The following ASH1L variants were observed in gnomAD, a reference collection of about 807,000 sequenced individuals.
ASH1L encodes ASH1 like histone lysine methyltransferase, also known as histone-lysine N-methyltransferase ASH1L.
Under a neutral mutation model 269.0 loss-of-function variants are expected in ASH1L, and 23 were observed. That is an observed-to-expected ratio of 0.09 (90% CI 0.06 to 0.12). ASH1L has a LOEUF of 0.12. Ranked by LOEUF, ASH1L falls within the 10% of genes least tolerant of loss-of-function variation. The probability of loss-of-function intolerance (pLI) is 1.00; values close to 1 mark genes in which losing one functional copy is unlikely to be tolerated. For synonymous variants in ASH1L, 1,187 were observed against 1,253.5 expected (o/e 0.95, Z 1.12); for missense variants, 2,912 against 3,567.8 (o/e 0.82, Z 4.68).
Position 155,478,386 on chromosome 1 carries a change from G to A in ASH1L, c.4484C>T (p.Ser1495Phe), listed in dbSNP as rs1665720555. 6 of 1,613,954 alleles carry A rather than the reference G, an allele frequency of 3.7e-6. No individual in the cohort carries two copies. The African/African-American group carries it at 6.7e-5, about 18-fold the overall frequency. Reference sequence around the variant, plus strand: ...GTCCATAGAAACCTGGGGTTGTTCAGAAGAACGGTGTTCTCTGTGTTTGTG... The same window carrying A: ...GTCCATAGAAACCTGGGGTTGTTCAAAAGAACGGTGTTCTCTGTGTTTGTG... ...HRHKHREHRS[S>F]EQPQVSMDTG... The change falls in exon 3 of 28, where the codon TCT becomes TTT. Residue 1495 changes from serine to phenylalanine, a missense_variant. This residue lies in a region of ASH1L where 789 missense variants were observed against 897.6 expected (regional missense o/e 0.88). Coordinates refer to ENST00000392403, the MANE Select transcript of ASH1L (RefSeq NM_018489.3). The surrounding 1 kb of genome is among the most constrained non-coding windows in gnomAD (Gnocchi z 4.6).
At chr1:155,354,406 G>T in intron 16 of ASH1L, 67 bp downstream of exon 16, 1 of 1,447,928 alleles carries the variant, frequency 6.9e-7, no homozygotes, top group Non-Finnish European at 9.4e-7. Flanking sequence ...TCATGCCATT[G>T]CACTCCAGTC....
intron 2 of ASH1L, among the ~76,000 whole-genome samples, chr1:155,514,529 G>T (rs1668376329): frequency 6.6e-6 from 1 of 151,410 alleles, no homozygotes; most frequent in African/African-American, 2.4e-5. Context: ...TTTTGCTAAT[G>T]ATTACTTGCT....
At chr1:155,497,340 G>C (rs1031987877) in intron 2 of ASH1L, among the ~76,000 whole-genome samples, 1 of 152,114 alleles carries the variant, frequency 6.6e-6, no homozygotes, top group African/African-American at 2.4e-5. Flanking sequence ...AACAACAAAA[G>C]TTTGAACTGT....
chr1:155,481,382 A>C lies in ASH1L; in HGVS notation c.1488T>G (p.Asn496Lys). Residue 496 changes from asparagine (N) to lysine (K), a missense_variant, in exon 3 of 28, where the codon AAT becomes AAG. This residue lies in a region of ASH1L where 715 missense variants were observed against 721.0 expected (regional missense o/e 0.99). Coordinates refer to ENST00000392403, the MANE Select transcript of ASH1L (RefSeq NM_018489.3). ...EIINLEKEMFNEGTCIQQDSF... is the reference protein window; with the variant it reads ...EIINLEKEMFKEGTCIQQDSF... ...TGTCTTGCTGAATGCATGTTCCTTCATTAAACATTTCTTTCTCCAAATTAA... is the reference window on the plus strand; with the variant it reads ...TGTCTTGCTGAATGCATGTTCCTTCCTTAAACATTTCTTTCTCCAAATTAA... 1 of 1,614,106 alleles carries C rather than the reference A, an allele frequency of 6.2e-7. No homozygotes were observed. Among genetic ancestry groups the C allele is most frequent in the Non-Finnish European group, 8.5e-7 (1 of 1,179,990 alleles).
At chr1:155,403,140 G>A (rs910127548) in intron 6 of ASH1L, among the ~76,000 whole-genome samples, 9 of 151,690 alleles carry the variant, frequency 5.9e-5, no homozygotes, top group South Asian at 2.1e-4. Flanking sequence ...AGCCAAGATC[G>A]TGCCATTGCA....
intron 3 of ASH1L, among the ~76,000 whole-genome samples, chr1:155,475,523 C>T (rs1413172484): frequency 1.3e-4 from 20 of 152,138 alleles, no homozygotes; most frequent in Admixed American, 1.2e-3. Context: ...TTCTGCCAGC[C>T]CTTTAATCTG....
chr1:155,436,003 A>G (rs1020227170), intron 5 of ASH1L, among the ~76,000 whole-genome samples: 1 of 152,168 alleles, frequency 6.6e-6, no homozygotes, highest in African/African-American at 2.4e-5. Context: ...GTGAGTGGAG[A>G]TCGTGCCATT....
intron 2 of ASH1L, among the ~76,000 whole-genome samples, chr1:155,495,546 C>G (rs193152062): frequency 1.2e-3 from 176 of 152,230 alleles, no homozygotes; most frequent in African/African-American, 3.8e-3. Flanking sequence ...GGGTACTTAT[C>G]ATGAATGGAG....
chr1:155,352,297 CAAAAAAAAAAA>C (rs1281473342), intron 17 of ASH1L, among the ~76,000 whole-genome samples: 7 of 28,118 alleles, frequency 2.5e-4, no homozygotes, highest in African/African-American at 7.1e-4. Context: ...ACCTCCATCT[CAAAAAAAAAAA>C]AAAAAAAAAA....
intron 4 of ASH1L, among the ~76,000 whole-genome samples, chr1:155,455,248 A>G (rs908795921): frequency 3.9e-5 from 6 of 152,208 alleles, no homozygotes; most frequent in African/African-American, 1.2e-4. Context: ...AGTTATCCTC[A>G]TATTACATCC....
chr1:155,481,579 G>C lies in ASH1L; in HGVS notation c.1291C>G (p.Pro431Ala), dbSNP rs1180928641. 1.9e-6 allele frequency: 3 copies of C among 1,614,124 alleles called. No homozygotes were observed. Among genetic ancestry groups the C allele is most frequent in the Admixed American group, 1.7e-5 (1 of 60,018 alleles). ...AINLKAEALL[P>A]TQEPLKASCS... ...GAAGCCTTAAGCGGTTCCTGAGTGG[G>C]GAGCAGTGCTTCGGCTTTAAGGTTT... The change falls in exon 3 of 28, where the codon CCC becomes GCC. Residue 431 changes from proline to alanine, a missense_variant. Around this residue, in one of 13 missense-constraint regions of ASH1L, gnomAD observed 715 missense variants for 721.0 expected, o/e 0.99. Coordinates refer to ENST00000392403, the MANE Select transcript of ASH1L (RefSeq NM_018489.3).
intron 1 of ASH1L, among the ~76,000 whole-genome samples, chr1:155,546,077 G>A (rs1315178678): frequency 6.6e-6 from 1 of 151,024 alleles, no homozygotes; most frequent in Non-Finnish European, 1.5e-5. Flanking sequence ...AGAATCGCTT[G>A]AGCCTGGGAG....
intron 5 of ASH1L, 57 bp from the exon 6 acceptor site, chr1:155,415,980 A>C (rs1272942788): frequency 7.3e-7 from 1 of 1,369,700 alleles, no homozygotes; most frequent in Non-Finnish European, 9.7e-7. Context: ...TCCTACAAAT[A>C]ATTGTCTACT....
At chr1:155,452,799 T>C (rs1163052880) in intron 4 of ASH1L, among the ~76,000 whole-genome samples, 2 of 152,136 alleles carry the variant, frequency 1.3e-5, no homozygotes, top group Admixed American at 6.5e-5. Context: ...TCAAGTGATC[T>C]ACCCGCCTTG....
chr1:155,562,163 G>A lies in ASH1L; in HGVS notation c.-110C>T, dbSNP rs772189736. On this transcript the variant is annotated 5_prime_UTR_variant, in exon 1 of 28. Coordinates refer to ENST00000392403, the MANE Select transcript of ASH1L (RefSeq NM_018489.3). ...AATCGTTCTACTCACCGTGTCGGAG[G>A]CCGAGGCCGAGGCCGAGAGCGATGA... 1.9e-6 allele frequency: 3 copies of A among 1,578,564 alleles called. No individual in the cohort carries two copies. The highest frequency in any genetic ancestry group is 1.7e-5 in the Admixed American group (1 of 58,956).
chr1:155,452,319 G>A (rs565859534), intron 4 of ASH1L, among the ~76,000 whole-genome samples: 9 of 152,204 alleles, frequency 5.9e-5, no homozygotes, highest in African/African-American at 1.9e-4. Flanking sequence ...GATTACAGGC[G>A]TGACCGACTG....
At chr1:155,562,114 T>C (rs1375253386) in intron 1 of ASH1L, 39 bp downstream of exon 1, 1 of 1,306,156 alleles carries the variant, frequency 7.7e-7, no homozygotes. Context: ...GCTGAGAGAG[T>C]GCTTAGGCCC....
At chr1:155,441,652 G>A (rs922314846) in intron 4 of ASH1L, among the ~76,000 whole-genome samples, 5 of 150,698 alleles carry the variant, frequency 3.3e-5, no homozygotes, top group African/African-American at 1.2e-4. Flanking sequence ...TTTTTTAGTA[G>A]AGACGGGGTT....
chr1:155,477,971 G>C lies in ASH1L; in HGVS notation c.4899C>G (p.Leu1633=). ...TTAGTGAAGTGTCCTGTGCAGAAAA[G>C]AGTCCAGGGCTGTCAGTTAATTTCT... ...GRKKLTDSPG[L]FSAQDTSLNR... Residue 1633 remains leucine (L), a synonymous_variant, in exon 3 of 28, where the codon CTC becomes CTG. Transcript: ENST00000392403. 1 of 1,614,204 alleles carries C rather than the reference G, an allele frequency of 6.2e-7. No homozygotes were observed. Among genetic ancestry groups the C allele is most frequent in the Non-Finnish European group, 8.5e-7 (1 of 1,180,044 alleles).
Sources: allele counts gnomAD v4.1 joint callset (sites outside exome capture counted in the v4.1 genomes callset), GRCh38; gene constraint gnomAD v4.1.1; regional missense constraint gnomAD v4.1.1; non-coding constraint Gnocchi (gnomAD v3.1); transcripts MANE v1.5; gene names NCBI Gene and HGNC (gene_info 2026-07-23, HGNC 2026-07-21).